Variants in IRF2BPL observed in about 807,000 individuals in gnomAD.
The protein encoded by IRF2BPL is probable E3 ubiquitin-protein ligase IRF2BPL.
Under a neutral mutation model 51.2 loss-of-function variants are expected in IRF2BPL, and 13 were observed. The observed-to-expected ratio is 0.25, with a 90% confidence interval of 0.17 to 0.40. The LOEUF is 0.40. Among genes scored for constraint, IRF2BPL ranks in the 10% least tolerant of loss-of-function variants. The probability of loss-of-function intolerance (pLI) is 1.00; values close to 1 mark genes in which losing one functional copy is unlikely to be tolerated. For missense variants in IRF2BPL, 1,210 were observed against 1,111.8 expected, an observed-to-expected ratio of 1.09 and a Z score of -1.26; for synonymous variants, 768 against 509.2, an observed-to-expected ratio of 1.51 and a Z score of -6.84.
At position 77,027,486 on chromosome 14, in the gene IRF2BPL, G is replaced by C. The variant is rs1474011394; in HGVS notation, c.307C>G (p.Gln103Glu). ...AAAAAAAAAA[Q>E]QQQQQQQQQQ... ...TGCTGCTGCTGTTGCTGTTGCTGTTGCGCGGCGGCGGCGGCGGCCGCCGCT... is the reference window on the plus strand; with the variant it reads ...TGCTGCTGCTGTTGCTGTTGCTGTTCCGCGGCGGCGGCGGCGGCCGCCGCT... Residue 103 changes from glutamine to glutamate, a missense_variant, in exon 1 of 1, where the codon CAA becomes GAA. Coordinates refer to ENST00000238647, the MANE Select transcript of IRF2BPL (RefSeq NM_024496.4). 5.3e-6 allele frequency: 7 copies of C among 1,321,926 alleles called. No individual in the cohort carries two copies. Among genetic ancestry groups the C allele is most frequent in the Non-Finnish European group, 5.8e-6 (6 of 1,036,852 alleles). 81.9% of individuals were successfully genotyped at this position (1,321,926 alleles called of 1,614,324 possible).
In IRF2BPL at chr14:77,027,396, C is replaced by T. The variant is rs1429279052; in HGVS notation, c.397G>A (p.Gly133Ser). The part of the protein sequence containing the change: ...QQQQQLNHVD[G>S]SSKPAVLAAP... ...GCCAGCACCGCAGGCTTGCTGGAAC[C>T]ATCAACGTGGTTGAGCTGTTGTTGC... is the stretch of plus-strand genomic sequence containing the variant. The change falls in exon 1 of 1, where the codon GGT becomes AGT. Residue 133 changes from glycine to serine, a missense_variant. Transcript: ENST00000238647. 1 of 1,482,606 alleles carries T rather than the reference C, an allele frequency of 6.7e-7. No individual in the cohort carries two copies. The highest frequency in any genetic ancestry group is 1.6e-5 in the African/African-American group (1 of 63,668). The allele number at this position is 1,482,606 out of a possible 1,614,324, so 91.8% of individuals were successfully genotyped here. A position where few individuals can be genotyped will look rare whatever the true frequency, so the allele number is the denominator to read the frequency against.
In IRF2BPL at chr14:77,027,046, C is replaced by T. The variant is rs1156589188; in HGVS notation, c.747G>A (p.Gln249=). 6.4e-6 allele frequency: 10 copies of T among 1,557,240 alleles called. No homozygotes were observed. The highest frequency in any genetic ancestry group is 1.4e-5 in the African/African-American group (1 of 73,864). ...GTAGCAGGTTGGGGGGCACGGTGAG[C>T]TGGGGGCCTCCGCCACCCCCCGGGT... ...LPNPGGGGGP[Q]LTVPPNLLPQ... Residue 249 remains glutamine (Q), a synonymous_variant, in exon 1 of 1, where the codon CAG becomes CAA. Transcript: ENST00000238647.
chr14:77,026,486 C>G lies in IRF2BPL; in HGVS notation c.1307G>C (p.Gly436Ala), dbSNP rs1371508554. 1 of 1,613,490 alleles carries G rather than the reference C, an allele frequency of 6.2e-7. No individual in the cohort carries two copies. Among genetic ancestry groups the G allele is most frequent in the Admixed American group, 1.7e-5 (1 of 60,010 alleles). ...GSGNVYSSAS[G>A]VAKQMYQDCM... is the part of the protein sequence containing the mutation. ...GTCCTGATACATCTGCTTGGCCACA[C>G]CAGATGCACTGGAGTACACGTTGCC... Residue 436 changes from glycine (G) to alanine (A), a missense_variant, in exon 1 of 1, where the codon GGT becomes GCT. Physicochemically the swap from Gly to Ala is moderately conservative, Grantham distance 60. Transcript: ENST00000238647.
At position 77,026,158 on chromosome 14, in the gene IRF2BPL, C is replaced by T; in HGVS notation, c.1635G>A (p.Lys545=). 3 of 1,505,624 alleles carry T rather than the reference C, an allele frequency of 2.0e-6. No individual in the cohort carries two copies. The South Asian group carries it at 3.8e-5, about 19-fold the overall frequency. The allele number at this position is 1,505,624 out of a possible 1,614,324, so 93.3% of individuals were successfully genotyped here. Residue 545 remains lysine, a synonymous_variant, in exon 1 of 1, where the codon AAG becomes AAA. Coordinates refer to ENST00000238647, the MANE Select transcript of IRF2BPL (RefSeq NM_024496.4). ...CTGAGTCCGGGGGCTCCGGAGAGGC[C>T]TTTCTCTTGCGCAGGCTGGCGGCTG... ...RGAAASLRKR[K]ASPEPPDSAE... is the part of the protein sequence containing the mutation.
chr14:77,027,853 CG>C lies in IRF2BPL; in HGVS notation c.-62del. 1 of 1,423,710 alleles carries C rather than the reference CG, an allele frequency of 7.0e-7. No homozygotes were observed. Among genetic ancestry groups the C allele is most frequent in the Non-Finnish European group, 9.2e-7 (1 of 1,083,348 alleles). 88.2% of individuals were successfully genotyped at this position (1,423,710 alleles called of 1,614,324 possible). A position where few individuals can be genotyped will look rare whatever the true frequency, so the allele number is the denominator to read the frequency against. On this transcript the variant is annotated 5_prime_UTR_variant, in exon 1 of 1. Transcript: ENST00000238647. ...GCTGTCTCCGCGGCGCCTTCTCCTC[CG>C]GGAGGACTGGCCGGCTGGGGAGGGA... is the stretch of plus-strand genomic sequence containing the variant.
chr14:77,026,165 T>A lies in IRF2BPL; in HGVS notation c.1628A>T (p.Lys543Met). 6.8e-7 allele frequency: 1 copy of A among 1,468,126 alleles called. No homozygotes were observed. Among genetic ancestry groups the A allele is most frequent in the Non-Finnish European group, 8.9e-7 (1 of 1,120,954 alleles). The allele number at this position is 1,468,126 out of a possible 1,614,324, so 90.9% of individuals were successfully genotyped here. A position where few individuals can be genotyped will look rare whatever the true frequency, so the allele number is the denominator to read the frequency against. ...CGGGGGCTCCGGAGAGGCCTTTCTCTTGCGCAGGCTGGCGGCTGCGCCCCG... is the reference window on the plus strand; with the variant it reads ...CGGGGGCTCCGGAGAGGCCTTTCTCATGCGCAGGCTGGCGGCTGCGCCCCG... The part of the protein sequence containing the change: ...SGRGAAASLR[K>M]RKASPEPPDS... Residue 543 changes from lysine to methionine, a missense_variant, in exon 1 of 1, where the codon AAG (lysine) becomes ATG (methionine). Transcript: ENST00000238647.
In IRF2BPL at chr14:77,025,285, T is replaced by C. The variant is rs1885077379; in HGVS notation, c.*117A>G. On this transcript the variant is annotated 3_prime_UTR_variant, in exon 1 of 1. Transcript: ENST00000238647. ...AGACTAACTTTTTGCAGTTTCGTTA[T>C]ATTCACAATTCTACACCTTGGGGGT... 3.1e-6 allele frequency: 2 copies of C among 637,740 alleles called. No individual in the cohort carries two copies. Among genetic ancestry groups the C allele is most frequent in the Non-Finnish European group, 5.2e-6 (2 of 387,982 alleles). The allele number at this position is 637,740 out of a possible 1,614,324, so 39.5% of individuals were successfully genotyped here.
rs1173101189 is a variant in IRF2BPL, at chr14:77,027,849, C to T, written c.-57G>A. 2.8e-6 allele frequency: 4 copies of T among 1,436,940 alleles called. No individual in the cohort carries two copies. The highest frequency in any genetic ancestry group is 2.8e-6 in the Non-Finnish European group (3 of 1,089,720). 89.0% of individuals were successfully genotyped at this position (1,436,940 alleles called of 1,614,324 possible). On this transcript the variant is annotated 5_prime_UTR_variant, in exon 1 of 1. Coordinates refer to ENST00000238647, the MANE Select transcript of IRF2BPL (RefSeq NM_024496.4). ...CCGGGCTGTCTCCGCGGCGCCTTCT[C>T]CTCCGGGAGGACTGGCCGGCTGGGG...
rs757030602 is a variant in IRF2BPL, at chr14:77,027,404, T to G, written c.389A>C (p.His130Pro). The G allele has an allele frequency of 1.5e-5, 23 of 1,503,506 alleles. No individual in the cohort carries two copies. The highest frequency in any genetic ancestry group is 2.0e-5 in the Non-Finnish European group (22 of 1,127,890). 93.1% of individuals were successfully genotyped at this position (1,503,506 alleles called of 1,614,324 possible). A position where few individuals can be genotyped will look rare whatever the true frequency, so the allele number is the denominator to read the frequency against. The change falls in exon 1 of 1, where the codon CAC becomes CCC. Residue 130 changes from histidine (H) to proline (P), a missense_variant. His to Pro is a moderately conservative substitution (Grantham distance 77). Coordinates refer to ENST00000238647, the MANE Select transcript of IRF2BPL (RefSeq NM_024496.4). ...QQQQQQQQLN[H>P]VDGSSKPAVL... ...CGCAGGCTTGCTGGAACCATCAACG[T>G]GGTTGAGCTGTTGTTGCTGCTGCTG...
Position 77,026,926 on chromosome 14 carries a change from G to A in IRF2BPL, c.867C>T (p.Pro289=), listed in dbSNP as rs1233619828. The change falls in exon 1 of 1, where the codon CCC becomes CCT. Residue 289 remains proline, a synonymous_variant. Transcript: ENST00000238647. ...AAGCGGGGCCCCCAGGAGCCCCTGGGGGAGCAGGCGTCGGGGGCCCACGGC... is the reference window on the plus strand; with the variant it reads ...AAGCGGGGCCCCCAGGAGCCCCTGGAGGAGCAGGCGTCGGGGGCCCACGGC... ...LGSRGPPTPA[P]PGAPGGPACL... 3 of 1,476,242 alleles carry A rather than the reference G, an allele frequency of 2.0e-6. No individual in the cohort carries two copies. The East Asian group carries it at 7.4e-5, about 36-fold the overall frequency. The allele number at this position is 1,476,242 out of a possible 1,614,324, so 91.4% of individuals were successfully genotyped here.
chr14:77,028,132 T>G lies in IRF2BPL; in HGVS notation c.-340A>C. 3.9e-6 allele frequency: 1 copy of G among 259,636 alleles called. No individual in the cohort carries two copies. Among genetic ancestry groups the G allele is most frequent in the Non-Finnish European group, 7.8e-6 (1 of 128,092 alleles). The allele number at this position is 259,636 out of a possible 1,614,324, so 16.1% of individuals were successfully genotyped here. On this transcript the variant is annotated 5_prime_UTR_variant, in exon 1 of 1. Coordinates refer to ENST00000238647, the MANE Select transcript of IRF2BPL (RefSeq NM_024496.4). ...CCGGCCCGAGGGGAGGGGGCGAGGG[T>G]GCCCGGTGGTGGCCGCCGTTGCCTC...
In IRF2BPL at chr14:77,026,405, T is replaced by A; in HGVS notation, c.1388A>T (p.Glu463Val). 6.2e-7 allele frequency: 1 copy of A among 1,613,316 alleles called. No homozygotes were observed. The highest frequency in any genetic ancestry group is 8.5e-7 in the Non-Finnish European group (1 of 1,179,982). ...CCAGTCCCCGGAGCCGTGCTTCTTTTCGTACTCCAGGTACTTGAAACCCGA... is the reference window on the plus strand; with the variant it reads ...CCAGTCCCCGGAGCCGTGCTTCTTTACGTACTCCAGGTACTTGAAACCCGA... ...LSSGFKYLEY[E>V]KKHGSGDWRL... The change falls in exon 1 of 1, where the codon GAA becomes GTA. Residue 463 changes from glutamate (E) to valine (V), a missense_variant. Coordinates refer to ENST00000238647, the MANE Select transcript of IRF2BPL (RefSeq NM_024496.4).
In IRF2BPL at chr14:77,024,614, A is replaced by AT. The variant is rs1885052812; in HGVS notation, c.*787dup. 1 of 152,612 alleles carries AT rather than the reference A, an allele frequency of 6.6e-6. No homozygotes were observed. The highest frequency in any genetic ancestry group is 2.4e-5 in the African/African-American group (1 of 41,450). The allele number at this position is 152,612 out of a possible 1,614,324, so 9.5% of individuals were successfully genotyped here. On this transcript the variant is annotated 3_prime_UTR_variant, in exon 1 of 1. Transcript: ENST00000238647. ...TTACAGTGTTCTGTTAACTACAGAA[A>AT]TGTATAAAGGACAAACAGAGCAGAT...
rs1294781467 is a variant in IRF2BPL at position 77,027,583 on chromosome 14, G to A, written c.210C>T (p.Pro70=). 1.9e-6 allele frequency: 3 copies of A among 1,557,218 alleles called. No individual in the cohort carries two copies. The highest frequency in any genetic ancestry group is 1.8e-5 in the Admixed American group (1 of 54,656). ...AHGCFQDGRS[P]GPPPPVGVKT... ...TGACCCCGACGGGCGGCGGCGGCCC[G>A]GGGGAGCGGCCGTCCTGGAAGCAGC... The change falls in exon 1 of 1, where the codon CCC becomes CCT. Residue 70 remains proline (P), a synonymous_variant. Coordinates refer to ENST00000238647, the MANE Select transcript of IRF2BPL (RefSeq NM_024496.4).
At position 77,025,794 on chromosome 14, in the gene IRF2BPL, G is replaced by C. The variant is rs1041573052; in HGVS notation, c.1999C>G (p.Pro667Ala). 6.8e-6 allele frequency: 11 copies of C among 1,611,338 alleles called. No individual in the cohort carries two copies. The highest frequency in any genetic ancestry group is 9.3e-6 in the Non-Finnish European group (11 of 1,179,054). Residue 667 changes from proline to alanine, a missense_variant, in exon 1 of 1, where the codon CCG (proline) becomes GCG (alanine). By Grantham distance (27) the Pro-to-Ala change is conservative (BLOSUM62 -1). Transcript: ENST00000238647. ...SSSPVSPASV[P>A]GQRRLASRNG... ...CGTGATGCCAAGCGGCGCTGCCCCG[G>C]CACGGAGGCCGGCGAGACTGGGCTG...
chr14:77,027,596 TC>T lies in IRF2BPL; in HGVS notation c.196del (p.Asp66ThrfsTer86). 1 of 1,588,854 alleles carries T rather than the reference TC, an allele frequency of 6.3e-7. No homozygotes were observed. The highest frequency in any genetic ancestry group is 8.6e-7 in the Non-Finnish European group (1 of 1,169,124). On this transcript the variant is annotated frameshift_variant, in exon 1 of 1. Transcript: ENST00000238647. LOFTEE classifies it high-confidence loss of function. ...CGGCGGCGGCCCGGGGGAGCGGCCG[TC>T]CTGGAAGCAGCCGTGCGCCCGCTTC... Reference protein sequence around the residue: ...QLKRAHGCFQDGRSPGPPPPV... With the variant: ...QLKRAHGCFQXGRSPGPPPPV...
chr14:77,025,948 T>C lies in IRF2BPL; in HGVS notation c.1845A>G (p.Ser615=). 1.9e-6 allele frequency: 3 copies of C among 1,605,856 alleles called. No homozygotes were observed. Among genetic ancestry groups the C allele is most frequent in the Non-Finnish European group, 2.5e-6 (3 of 1,176,928 alleles). Residue 615 remains serine, a synonymous_variant, in exon 1 of 1, where the codon TCA becomes TCG. Transcript: ENST00000238647. ...PHSNRTTPPE[S]APQNGPSPMA... ...TAGGGGACGGACCGTTCTGGGGGGC[T>C]GACTCAGGTGGGGTGGTCCGGTTGG...
At position 77,027,384 on chromosome 14, in the gene IRF2BPL, G is replaced by C. The variant is rs1166800607; in HGVS notation, c.409C>G (p.Pro137Ala). 7.9e-6 allele frequency: 12 copies of C among 1,509,932 alleles called. No individual in the cohort carries two copies. Among genetic ancestry groups the C allele is most frequent in the South Asian group, 7.4e-5 (6 of 81,010 alleles). 93.5% of individuals were successfully genotyped at this position (1,509,932 alleles called of 1,614,324 possible). Residue 137 changes from proline (P) to alanine (A), a missense_variant, in exon 1 of 1, where the codon CCT becomes GCT. Pro to Ala is a conservative substitution (Grantham distance 27). Coordinates refer to ENST00000238647, the MANE Select transcript of IRF2BPL (RefSeq NM_024496.4). ...QLNHVDGSSK[P>A]AVLAAPSGLE... ...CCAGACGGGGCCGCCAGCACCGCAGGCTTGCTGGAACCATCAACGTGGTTG... is the reference window on the plus strand; with the variant it reads ...CCAGACGGGGCCGCCAGCACCGCAGCCTTGCTGGAACCATCAACGTGGTTG...
In IRF2BPL at chr14:77,026,567, G is replaced by C. The variant is rs1264724363; in HGVS notation, c.1226C>G (p.Ser409Cys). The C allele has an allele frequency of 6.2e-7, 1 of 1,613,864 alleles. No homozygotes were observed. Among genetic ancestry groups the C allele is most frequent in the Non-Finnish European group, 8.5e-7 (1 of 1,180,008 alleles). The part of the protein sequence containing the change: ...LGRVFAFDAV[S>C]KPGMDYELKL... ...CAATTCGTAGTCCATGCCGGGCTTG[G>C]AGACGGCGTCGAAGGCGAAAACGCG... Residue 409 changes from serine to cysteine, a missense_variant, in exon 1 of 1, where the codon TCC (serine) becomes TGC (cysteine). Transcript: ENST00000238647.
Sources: allele counts gnomAD v4.1 joint callset, GRCh38; gene constraint gnomAD v4.1.1; transcripts MANE v1.5; gene names NCBI Gene and HGNC (gene_info 2026-07-23, HGNC 2026-07-21).